CSMD1: variants seen among roughly 807,000 people sequenced by gnomAD.
CSMD1 encodes CUB and Sushi multiple domains 1.
In CSMD1, 213 loss-of-function variants were observed where a neutral mutation model predicts 417.5. The observed-to-expected ratio is 0.51, with a 90% CI of 0.46 to 0.57. The LOEUF is 0.57. Among genes scored for constraint, CSMD1 ranks in the 20% least tolerant of loss-of-function variants. The pLI is 0.00. For missense variants in CSMD1, 6,923 were observed against 4,529.7 expected, an observed-to-expected ratio of 1.53 and a Z score of -15.17; for synonymous variants, 2,862 against 1,736.8, an observed-to-expected ratio of 1.65 and a Z score of -16.11.
At chr8:3,559,348 A>T (rs910176227) in intron 10 of CSMD1, among the ~76,000 whole-genome samples, 1 of 152,226 alleles carries the variant, frequency 6.6e-6, no homozygotes, top group Non-Finnish European at 1.5e-5. Flanking sequence ...GTCTGAACAG[A>T]GGTTTAAAGG....
chr8:3,188,797 T>G (rs1440620666), intron 35 of CSMD1, 90 bp downstream of exon 35: 1 of 1,151,606 alleles, frequency 8.7e-7, no homozygotes, highest in East Asian at 2.9e-5. Flanking sequence ...GAGAGAGAGA[T>G]GGAAAGAAAC....
intron 17 of CSMD1, among the ~76,000 whole-genome samples, chr8:3,391,885 T>C (rs1246153173): frequency 6.6e-6 from 1 of 152,110 alleles, no homozygotes; most frequent in East Asian, 1.9e-4. Context: ...GAAACATGTA[T>C]GATGAAACAG....
chr8:3,694,719 G>A (rs947069775), intron 7 of CSMD1, among the ~76,000 whole-genome samples: 1 of 151,858 alleles, frequency 6.6e-6, no homozygotes, highest in South Asian at 2.1e-4. Context: ...GGAGAACCTG[G>A]AGGAAGCAGG....
chr8:4,372,251 T>C (rs557279646), intron 3 of CSMD1, among the ~76,000 whole-genome samples: 1 of 152,196 alleles, frequency 6.6e-6, no homozygotes, highest in Non-Finnish European at 1.5e-5. Flanking sequence ...GAAGTAAAGA[T>C]ACATAACGTC....
intron 10 of CSMD1, among the ~76,000 whole-genome samples, chr8:3,538,158 T>G (rs921305342): frequency 6.6e-6 from 1 of 152,156 alleles, no homozygotes; most frequent in Non-Finnish European, 1.5e-5. Flanking sequence ...CATCTTTACT[T>G]GAAAAATTAC....
rs565005698 is a variant in CSMD1 at position 3,746,256 on chromosome 8, G to C, written c.931+7674C>G. Among the ~76,000 whole-genome samples, 78 of 152,266 alleles carry C rather than the reference G, an allele frequency of 5.1e-4. 2 individuals are homozygous for C. Among genetic ancestry groups the C allele is most frequent in the Admixed American group, 4.5e-3 (69 of 15,290 alleles). On this transcript the variant is annotated intron_variant, in intron 6 of 69. Transcript: ENST00000635120. ...TCCACATCACAAAACTATAAACTGC[G>C]GGAAAACAATTTACGAAGGGATTGA... is the stretch of plus-strand genomic sequence containing the variant.
intron 1 of CSMD1, among the ~76,000 whole-genome samples, chr8:4,720,377 A>G (rs1676974): frequency 0.95 from 144,174 of 152,184 alleles, 68,354 homozygotes; most frequent in East Asian, 1. Context: ...ATGACAAACT[A>G]TATTAAATGC....
At chr8:3,676,738 T>A (rs1044300754) in intron 7 of CSMD1, among the ~76,000 whole-genome samples, 2 of 152,156 alleles carry the variant, frequency 1.3e-5, no homozygotes, top group Non-Finnish European at 2.9e-5. Flanking sequence ...AATACGTATA[T>A]AATAAACATA....
chr8:3,064,505 C>T (rs1404388773), intron 49 of CSMD1, among the ~76,000 whole-genome samples: 1 of 152,142 alleles, frequency 6.6e-6, no homozygotes, highest in East Asian at 1.9e-4. Context: ...TCAATTAGGC[C>T]TCTTTTCTTC....
intron 3 of CSMD1, among the ~76,000 whole-genome samples, chr8:4,153,169 A>T (rs13266058): frequency 0.32 from 48,512 of 152,080 alleles, 9,665 homozygotes; most frequent in Non-Finnish European, 0.43. Flanking sequence ...CATGCCAGGA[A>T]TAAGATAAGC....
At chr8:4,555,384 CCATTTGGGTTTCCTCT>C (rs112642176) in intron 2 of CSMD1, among the ~76,000 whole-genome samples, 3 of 152,130 alleles carry the variant, frequency 2.0e-5, no homozygotes, top group African/African-American at 7.2e-5. Context: ...ATGTCGTGGG[CCATTTGGGTTTCCTCT>C]CCAGCGCAGG....
chr8:2,981,832 G>T (rs902143180), intron 54 of CSMD1, among the ~76,000 whole-genome samples: 5 of 152,098 alleles, frequency 3.3e-5, no homozygotes, highest in Non-Finnish European at 7.4e-5. Context: ...AAATACATAA[G>T]AATCAGGACT....
intron 2 of CSMD1, among the ~76,000 whole-genome samples, chr8:4,454,357 C>T (rs971572251): frequency 6.6e-6 from 1 of 152,166 alleles, no homozygotes; most frequent in African/African-American, 2.4e-5. Flanking sequence ...TACTTTTCTT[C>T]TCCCAACACA....
At chr8:3,764,525 G>A (rs59583547) in intron 5 of CSMD1, among the ~76,000 whole-genome samples, 2,878 of 152,154 alleles carry the variant, frequency 0.019, 77 homozygotes, top group African/African-American at 0.064. Context: ...TGTCACACCT[G>A]AGACATCACC....
At chr8:4,225,861 C>T (rs566067430) in intron 3 of CSMD1, among the ~76,000 whole-genome samples, 2 of 152,028 alleles carry the variant, frequency 1.3e-5, no homozygotes, top group African/African-American at 2.4e-5. Flanking sequence ...AAAGTTTTAA[C>T]TGTGCATATA....
chr8:4,693,582 C>T (rs1245811059), intron 1 of CSMD1, among the ~76,000 whole-genome samples: 3 of 152,218 alleles, frequency 2.0e-5, no homozygotes, highest in African/African-American at 4.8e-5. Flanking sequence ...GCCCATTAGG[C>T]AGAGTGGTAT....
At chr8:4,789,940 A>G (rs1797603481) in intron 1 of CSMD1, among the ~76,000 whole-genome samples, 1 of 152,292 alleles carries the variant, frequency 6.6e-6, no homozygotes, top group Middle Eastern at 3.4e-3. Flanking sequence ...AGAAAAATGT[A>G]CCCGAAAAAC....
chr8:4,934,159 G>A (rs990150224), intron 1 of CSMD1, among the ~76,000 whole-genome samples: 1 of 152,140 alleles, frequency 6.6e-6, no homozygotes, highest in African/African-American at 2.4e-5. Context: ...TCTGAGAAGA[G>A]GCCAGGCTAA....
intron 26 of CSMD1, among the ~76,000 whole-genome samples, chr8:3,276,717 C>T (rs11787412): frequency 1.3e-5 from 2 of 151,894 alleles, no homozygotes; most frequent in Non-Finnish European, 2.9e-5. Context: ...GAATTAAGCT[C>T]AGCTCAATTA....
Sources: gnomAD v4.1 joint callset for allele counts (sites outside exome capture counted in the v4.1 genomes callset) on GRCh38, gnomAD v4.1.1 for gene constraint, MANE v1.5 for transcripts, NCBI Gene and HGNC (gene_info 2026-07-23, HGNC 2026-07-21) for gene names.